AKAP7: variants seen among roughly 807,000 people sequenced by gnomAD.
AKAP7 encodes the protein A kinase (PRKA) anchor protein 7.
In AKAP7, 39 loss-of-function variants were observed where a neutral mutation model predicts 39.5. That is an observed-to-expected ratio of 0.99 (90% CI 0.76 to 1.29). The LOEUF (loss-of-function observed/expected upper bound fraction) is 1.29. Among genes scored for constraint, AKAP7 ranks in the 50% most tolerant of loss-of-function variants. The pLI is 0.00. For synonymous variants in AKAP7, 140 were observed against 139.1 expected, an observed-to-expected ratio of 1.01 and a Z score of -0.05; for missense variants, 414 against 407.7, an observed-to-expected ratio of 1.02 and a Z score of -0.13.
intron 4 of AKAP7, among the ~76,000 whole-genome samples, chr6:131,167,100 A>G (rs2128242521): frequency 6.6e-6 from 1 of 152,294 alleles, no homozygotes; most frequent in East Asian, 1.9e-4. Flanking sequence ...TTTGAAATAC[A>G]ACCTTTGGGT....
intron 1 of AKAP7, 123 bp from the exon 2 acceptor site, chr6:131,145,162 G>A (rs1801378229): frequency 6.7e-6 from 4 of 599,630 alleles, no homozygotes; most frequent in South Asian, 5.4e-5. Flanking sequence ...AACACAAGTA[G>A]TACATTTCTT....
intron 7 of AKAP7, among the ~76,000 whole-genome samples, chr6:131,247,269 GTATATATATATA>G (rs60033504): frequency 0.059 from 5,381 of 91,742 alleles, 239 homozygotes; most frequent in Admixed American, 0.093. Flanking sequence ...CATTTCATAT[GTATATATATATA>G]TATATATATA....
In AKAP7 at chr6:131,135,790, C is replaced by T. The variant is rs568377766; in HGVS notation, c.19+8C>T. 3.1e-3 allele frequency: 3,864 copies of T among 1,227,902 alleles called. 18 individuals carry two copies. The highest frequency in any genetic ancestry group is 3.8e-3 in the Non-Finnish European group (3,731 of 985,662). 76.1% of individuals were successfully genotyped at this position (1,227,902 alleles called of 1,614,324 possible). ...TGGAGCGCCCCGAAGCGGGTGAGAC[C>T]GGGCTGTCCAGCGGGCCGGGGCGGG... is the stretch of plus-strand genomic sequence containing the variant. On this transcript the variant is annotated splice_region_variant and intron_variant, in intron 1 of 7. Coordinates refer to ENST00000431975, the MANE Select transcript of AKAP7 (RefSeq NM_016377.4).
intron 6 of AKAP7, chr6:131,200,065 A>C (rs1276463203): frequency 1.2e-5 from 2 of 171,500 alleles, no homozygotes; most frequent in Non-Finnish European, 2.4e-5. Flanking sequence ...GGAACCAGGT[A>C]TACCGGGGAC....
intron 7 of AKAP7, among the ~76,000 whole-genome samples, chr6:131,247,698 A>G (rs34482355): frequency 0.15 from 22,356 of 152,044 alleles, 1,949 homozygotes; most frequent in Middle Eastern, 0.28. Flanking sequence ...GTATGATCAT[A>G]GCTCACTATA....
intron 6 of AKAP7, among the ~76,000 whole-genome samples, chr6:131,216,049 C>T (rs1809144522): frequency 6.6e-6 from 1 of 152,162 alleles, no homozygotes; most frequent in African/African-American, 2.4e-5. Context: ...TTTATATTTT[C>T]ATCATGGACA....
intron 7 of AKAP7, among the ~76,000 whole-genome samples, chr6:131,249,167 A>T (rs1281779062): frequency 6.6e-6 from 1 of 152,180 alleles, no homozygotes; most frequent in African/African-American, 2.4e-5. Flanking sequence ...ATAGATCTTC[A>T]CAATATTTCT....
intron 7 of AKAP7, among the ~76,000 whole-genome samples, chr6:131,275,159 C>T (rs1178993433): frequency 2.0e-5 from 3 of 152,150 alleles, no homozygotes; most frequent in Non-Finnish European, 4.4e-5. Context: ...TGGCATTTAG[C>T]AGGTATTGGG....
rs1313508746 is a variant in AKAP7 at position 131,160,279 on chromosome 6, G to C, written c.291+81G>C. 3 of 1,409,584 alleles carry C rather than the reference G, an allele frequency of 2.1e-6. No homozygotes were observed. The East Asian group carries it at 7.1e-5, about 33-fold the overall frequency. 87.3% of individuals were successfully genotyped at this position (1,409,584 alleles called of 1,614,324 possible). A position where few individuals can be genotyped will look rare whatever the true frequency, so the allele number is the denominator to read the frequency against. On this transcript the variant is annotated intron_variant, in intron 3 of 7. Coordinates refer to ENST00000431975, the MANE Select transcript of AKAP7 (RefSeq NM_016377.4). Reference sequence around the variant, plus strand: ...CAACTAAATGCTTATTAGCCCACTTGCTCTTAGCTTTTAAGAGTATTTGGT... The same window carrying C: ...CAACTAAATGCTTATTAGCCCACTTCCTCTTAGCTTTTAAGAGTATTTGGT...
chr6:131,173,076 C>A (rs199826784), intron 5 of AKAP7, among the ~76,000 whole-genome samples: 2 of 151,810 alleles, frequency 1.3e-5, no homozygotes, highest in East Asian at 3.9e-4. Flanking sequence ...GTGATGGGAC[C>A]TGTAGTCCCA....
chr6:131,134,883 G>A (rs117364854), upstream of AKAP7, among the ~76,000 whole-genome samples: 3,131 of 152,224 alleles, frequency 0.021, 54 homozygotes, highest in Non-Finnish European at 0.033. Context: ...AATCCCAATA[G>A]CATTCCGTTT....
intron 6 of AKAP7, among the ~76,000 whole-genome samples, chr6:131,216,101 A>G (rs904165366): frequency 6.6e-6 from 1 of 152,236 alleles, no homozygotes; most frequent in Non-Finnish European, 1.5e-5. Flanking sequence ...GTTATCTTCT[A>G]TTACAAAAAT....
intron 3 of AKAP7, among the ~76,000 whole-genome samples, chr6:131,163,004 C>T (rs532566083): frequency 1.2e-4 from 17 of 141,520 alleles, no homozygotes; most frequent in African/African-American, 3.7e-4. Flanking sequence ...CTTTCGCTCT[C>T]GCTCTCTCTC....
chr6:131,167,898 A>G (rs563306682), intron 4 of AKAP7, among the ~76,000 whole-genome samples: 14 of 152,290 alleles, frequency 9.2e-5, no homozygotes, highest in African/African-American at 3.1e-4. Flanking sequence ...ACTGATCAAA[A>G]TAATTTAAAC....
chr6:131,154,468 G>GTTTTTTTTTTTTTTTTTTTTTTTTT, intron 2 of AKAP7, among the ~76,000 whole-genome samples: 1 of 112,542 alleles, frequency 8.9e-6, no homozygotes, highest in Non-Finnish European at 1.8e-5. Context: ...CCCTGTCCCT[G>GTTTTTTTTTTTTTTTTTTTTTTTTT]TTTTTTTTTT....
chr6:131,171,189 T>G (rs764018983), intron 5 of AKAP7, among the ~76,000 whole-genome samples: 4 of 152,298 alleles, frequency 2.6e-5, no homozygotes, highest in Non-Finnish European at 4.4e-5. Context: ...TCCTTTTCCT[T>G]TAAGGAGCAT....
At chr6:131,259,132 T>TGTC (rs1372876730) in intron 7 of AKAP7, among the ~76,000 whole-genome samples, 1 of 152,260 alleles carries the variant, frequency 6.6e-6, no homozygotes, top group Non-Finnish European at 1.5e-5. Flanking sequence ...TTCAGTTTGA[T>TGTC]GTCTCATATC....
chr6:131,130,860 T>C (rs1800311102), upstream of AKAP7, among the ~76,000 whole-genome samples: 1 of 152,198 alleles, frequency 6.6e-6, no homozygotes, highest in Non-Finnish European at 1.5e-5. Flanking sequence ...TGGCATGAGT[T>C]GGTAGGTTCA....
intron 2 of AKAP7, among the ~76,000 whole-genome samples, chr6:131,148,831 G>C (rs1479380648): frequency 6.6e-6 from 1 of 152,184 alleles, no homozygotes; most frequent in Non-Finnish European, 1.5e-5. Flanking sequence ...GGCTTGAATG[G>C]ACTGAATTTG....
Sources: gnomAD v4.1 joint callset for allele counts (sites outside exome capture counted in the v4.1 genomes callset) on GRCh38, gnomAD v4.1.1 for gene constraint, MANE v1.5 for transcripts, NCBI Gene and HGNC (gene_info 2026-07-23, HGNC 2026-07-21) for gene names.